The following CSMD1 variants were observed in gnomAD, a reference collection of about 807,000 sequenced individuals.
The protein encoded by CSMD1 is CUB and sushi domain-containing protein 1.
CSMD1 carries 213 observed loss-of-function variants against 417.5 expected under a neutral mutation model. That is an observed-to-expected ratio of 0.51 (90% CI 0.46 to 0.57). The LOEUF (loss-of-function observed/expected upper bound fraction) is 0.57. Among genes scored for constraint, CSMD1 ranks in the 20% least tolerant of loss-of-function variants. CSMD1 has a pLI of 0.00. For missense variants in CSMD1, 6,923 were observed against 4,529.7 expected (o/e 1.53, Z -15.17); for synonymous variants, 2,862 against 1,736.8 (o/e 1.65, Z -16.11).
chr8:3,492,161 G>C (rs897003941), intron 11 of CSMD1, among the ~76,000 whole-genome samples: 3 of 152,148 alleles, frequency 2.0e-5, no homozygotes, highest in East Asian at 1.9e-4. Context: ...AAACGGGTGG[G>C]CGTGGGTTTC....
At chr8:3,148,020 G>A (rs139255695) in intron 40 of CSMD1, among the ~76,000 whole-genome samples, 26 of 152,184 alleles carry the variant, frequency 1.7e-4, no homozygotes, top group Admixed American at 1.0e-3. Flanking sequence ...TTTGTGTGAC[G>A]TCAGTTGAAA....
At chr8:3,528,097 A>C (rs1277263589) in intron 10 of CSMD1, among the ~76,000 whole-genome samples, 2 of 152,148 alleles carry the variant, frequency 1.3e-5, no homozygotes, top group Non-Finnish European at 2.9e-5. Flanking sequence ...ATACAGGGGG[A>C]AATGAGGAAT....
At chr8:4,357,235 G>C (rs912601885) in intron 3 of CSMD1, among the ~76,000 whole-genome samples, 5 of 152,116 alleles carry the variant, frequency 3.3e-5, no homozygotes, top group African/African-American at 9.7e-5. Flanking sequence ...AGCCTCTTAC[G>C]TGCTAGAATT....
chr8:3,059,368 GCTTTTCT>G (rs1434026572), intron 49 of CSMD1, among the ~76,000 whole-genome samples: 15 of 44,154 alleles, frequency 3.4e-4, no homozygotes, highest in Non-Finnish European at 9.2e-4. Flanking sequence ...CTTTTTCTCT[GCTTTTCT>G]CTGCAACAAC....
chr8:4,042,034 G>C (rs1256754901), intron 3 of CSMD1, among the ~76,000 whole-genome samples: 1 of 152,022 alleles, frequency 6.6e-6, no homozygotes, highest in Non-Finnish European at 1.5e-5. Context: ...AATGAACTTT[G>C]GGACATCTCC....
intron 2 of CSMD1, among the ~76,000 whole-genome samples, chr8:4,506,620 A>T (rs1275690607): frequency 6.6e-6 from 1 of 152,152 alleles, no homozygotes; most frequent in East Asian, 1.9e-4. Flanking sequence ...CTTTCACATG[A>T]GCAACAAACA....
intron 1 of CSMD1, among the ~76,000 whole-genome samples, chr8:4,663,253 C>G (rs923912851): frequency 6.6e-6 from 1 of 152,204 alleles, no homozygotes. Context: ...TTTTCATTAC[C>G]TGTATATACA....
chr8:4,019,418 A>G (rs1014135676), intron 4 of CSMD1, among the ~76,000 whole-genome samples: 33 of 152,128 alleles, frequency 2.2e-4, no homozygotes, highest in African/African-American at 7.5e-4. Context: ...TAGCTTCCCT[A>G]TCTTCATGTA....
In CSMD1 at chr8:4,299,810, T is replaced by A. The variant is rs543417511; in HGVS notation, c.415+120143A>T. ...CACGCCCGCCTAATTTTTGTATTTTTAGTACAGATGGGTTTTCACCTTCTT... is the reference window on the plus strand; with the variant it reads ...CACGCCCGCCTAATTTTTGTATTTTAAGTACAGATGGGTTTTCACCTTCTT... On this transcript the variant is annotated intron_variant, in intron 3 of 69. Coordinates refer to ENST00000635120, the MANE Select transcript of CSMD1 (RefSeq NM_033225.6). 2.0e-5 allele frequency among the ~76,000 whole-genome samples: 3 copies of A among 151,994 alleles called. No individual in the cohort carries two copies. In the East Asian group the frequency reaches 5.8e-4, roughly 29 times the overall value.
intron 3 of CSMD1, among the ~76,000 whole-genome samples, chr8:4,409,227 CG>C (rs1796510694): frequency 6.6e-6 from 1 of 152,096 alleles, no homozygotes; most frequent in Non-Finnish European, 1.5e-5. Flanking sequence ...TGATGAAATT[CG>C]AATGCATTTT....
rs370466578 is a variant in CSMD1 at position 3,881,608 on chromosome 8, C to CAA, written c.818+116293_818+116294dup. Among the ~76,000 whole-genome samples the CAA allele has an allele frequency of 3.1e-3, 322 of 102,482 alleles. 1 individual carries two copies. Among genetic ancestry groups the CAA allele is most frequent in the South Asian group, 0.011 (36 of 3,162 alleles). 67.2% of individuals were successfully genotyped at this position (102,482 alleles called of 152,430 possible). On this transcript the variant is annotated intron_variant, in intron 5 of 69. Transcript: ENST00000635120. ...TGGGTGACAGAGCAAGACTCCATCT[C>CAA]AAAAAAAAAAAAAACAAAAACAAAA...
At chr8:4,280,173 T>G (rs1418314011) in intron 3 of CSMD1, among the ~76,000 whole-genome samples, 1 of 152,216 alleles carries the variant, frequency 6.6e-6, no homozygotes, top group Non-Finnish European at 1.5e-5. Context: ...TAAAAGAAGA[T>G]TTTACCATGG....
chr8:4,213,251 G>A (rs1306777022), intron 3 of CSMD1, among the ~76,000 whole-genome samples: 3 of 152,158 alleles, frequency 2.0e-5, no homozygotes, highest in East Asian at 3.9e-4. Context: ...GCTCCATTCT[G>A]TCAGCAAGTG....
intron 5 of CSMD1, among the ~76,000 whole-genome samples, chr8:3,876,603 T>G (rs1335352896): frequency 6.6e-6 from 1 of 152,176 alleles, no homozygotes; most frequent in Non-Finnish European, 1.5e-5. Context: ...TTCATGGTAT[T>G]GTTTTTGTTT....
chr8:2,979,064 G>A (rs760138664), intron 54 of CSMD1, among the ~76,000 whole-genome samples: 11 of 152,126 alleles, frequency 7.2e-5, no homozygotes, highest in African/African-American at 1.7e-4. Context: ...TTTATTCAAC[G>A]TAAATTCTGA....
At chr8:3,876,153 G>T (rs763749019) in intron 5 of CSMD1, among the ~76,000 whole-genome samples, 2 of 152,158 alleles carry the variant, frequency 1.3e-5, no homozygotes. Context: ...CTGGAAACCA[G>T]TGACAGTCAT....
intron 3 of CSMD1, among the ~76,000 whole-genome samples, chr8:4,195,252 A>C (rs1336706087): frequency 6.6e-6 from 1 of 152,202 alleles, no homozygotes; most frequent in East Asian, 1.9e-4. Flanking sequence ...TTTGTTTTTT[A>C]AGAGACAGGG....
intron 40 of CSMD1, among the ~76,000 whole-genome samples, chr8:3,146,308 C>A (rs1216006199): frequency 1.3e-5 from 2 of 151,802 alleles, no homozygotes; most frequent in Non-Finnish European, 2.9e-5. Context: ...CAGAGCATCA[C>A]AAAACAACAA....
intron 3 of CSMD1, among the ~76,000 whole-genome samples, chr8:4,080,573 A>G (rs1024131855): frequency 6.6e-6 from 1 of 152,206 alleles, no homozygotes; most frequent in South Asian, 2.1e-4. Flanking sequence ...ACTGTATTGC[A>G]TATTTATGTA....
Sources: gnomAD v4.1 joint callset for allele counts (sites outside exome capture counted in the v4.1 genomes callset) on GRCh38, gnomAD v4.1.1 for gene constraint, MANE v1.5 for transcripts, NCBI Gene and HGNC (gene_info 2026-07-23, HGNC 2026-07-21) for gene names.